SV2B: variants seen among roughly 807,000 people sequenced by gnomAD.
SV2B encodes the protein solute carrier family 22 member B2.
In SV2B, 41 loss-of-function variants were observed where a neutral mutation model predicts 73.9. The observed-to-expected ratio is 0.56, with a 90% CI of 0.43 to 0.72. The LOEUF is 0.72. SV2B is among the 30% of genes least tolerant of loss of function. SV2B has a pLI of 0.00. For synonymous variants in SV2B, 314 were observed against 314.2 expected (o/e 1.00, Z 0.01); for missense variants, 764 against 857.8 (o/e 0.89, Z 1.37).
At chr15:91,154,921 G>A (rs1193310829) in intron 1 of SV2B, among the ~76,000 whole-genome samples, 1 of 152,166 alleles carries the variant, frequency 6.6e-6, no homozygotes, top group Non-Finnish European at 1.5e-5. Context: ...GGAGGTGCCT[G>A]TGAGCAGGAT....
intron 6 of SV2B, among the ~76,000 whole-genome samples, chr15:91,260,919 A>T (rs1355054352): frequency 6.6e-6 from 1 of 152,180 alleles, no homozygotes; most frequent in Non-Finnish European, 1.5e-5. Flanking sequence ...CACCCCCATG[A>T]TTAAAATTAT....
chr15:91,252,611 A>C lies in SV2B; in HGVS notation c.784+91A>C. 1 of 1,346,740 alleles carries C rather than the reference A, an allele frequency of 7.4e-7. No homozygotes were observed. Among genetic ancestry groups the C allele is most frequent in the Non-Finnish European group, 9.7e-7 (1 of 1,034,370 alleles). 83.4% of individuals were successfully genotyped at this position (1,346,740 alleles called of 1,614,324 possible). A position where few individuals can be genotyped will look rare whatever the true frequency, so the allele number is the denominator to read the frequency against. On this transcript the variant is annotated intron_variant, in intron 4 of 12. Transcript: ENST00000394232. The surrounding 1 kb of genome is among the most constrained non-coding windows in gnomAD (Gnocchi z 4.6). Reference sequence around the variant, plus strand: ...TCCTGTCCTCAGCCTTATTCCATGTACTCACGCACAGTTCCCGTACGTGAC... The same window carrying C: ...TCCTGTCCTCAGCCTTATTCCATGTCCTCACGCACAGTTCCCGTACGTGAC...
intron 1 of SV2B, among the ~76,000 whole-genome samples, chr15:91,189,888 T>C (rs905459506): frequency 6.6e-6 from 1 of 152,016 alleles, no homozygotes; most frequent in Non-Finnish European, 1.5e-5. Flanking sequence ...CTCAGGAGGC[T>C]GAGGCAGGAG....
intron 1 of SV2B, among the ~76,000 whole-genome samples, chr15:91,201,777 C>T (rs2045467860): frequency 6.6e-6 from 1 of 152,202 alleles, no homozygotes; most frequent in Non-Finnish European, 1.5e-5. Context: ...CAGCATAGAT[C>T]TGACAGTTTC....
chr15:91,273,374 C>T (rs1262389813), intron 9 of SV2B, among the ~76,000 whole-genome samples: 1 of 152,178 alleles, frequency 6.6e-6, no homozygotes, highest in African/African-American at 2.4e-5. Context: ...GAATGTATAT[C>T]ATATTTCAGA....
rs2048958422 is a variant in SV2B at position 91,289,161 on chromosome 15, G to A, written c.1709-360G>A. On this transcript the variant is annotated intron_variant, in intron 11 of 12. Coordinates refer to ENST00000394232, the MANE Select transcript of SV2B (RefSeq NM_001323032.3). The surrounding 1 kb of genome is among the most constrained non-coding windows in gnomAD (Gnocchi z 4.9). ...CTGAGGTTTTTGTTTTTGTTTTTTG[G>A]CCAATACTGATGTAGCTCAAGCACC... 6.6e-6 allele frequency among the ~76,000 whole-genome samples: 1 copy of A among 151,910 alleles called. No individual in the cohort carries two copies. Among genetic ancestry groups the A allele is most frequent in the Non-Finnish European group, 1.5e-5 (1 of 67,968 alleles).
intron 1 of SV2B, among the ~76,000 whole-genome samples, chr15:91,200,357 C>T (rs1486092022): frequency 1.3e-5 from 2 of 152,204 alleles, no homozygotes; most frequent in Non-Finnish European, 2.9e-5. Context: ...GGCCTTGAAA[C>T]ATGTTCAAAT....
chr15:91,251,729 T>C lies in SV2B; in HGVS notation c.452-90T>C, dbSNP rs555419265. 1.1e-5 allele frequency: 15 copies of C among 1,394,760 alleles called. No homozygotes were observed. The African/African-American group carries it at 1.7e-4, about 16-fold the overall frequency. 86.4% of individuals were successfully genotyped at this position (1,394,760 alleles called of 1,614,324 possible). The stretch of plus-strand genomic sequence containing the variant: ...TATGACACAGAAATTCTAGGATAAA[T>C]AAAAATGAACATTGTATTTTGTAAA... On this transcript the variant is annotated intron_variant, in intron 2 of 12. Coordinates refer to ENST00000394232, the MANE Select transcript of SV2B (RefSeq NM_001323032.3).
At chr15:91,286,766 AACTC>A (rs954847442) in intron 11 of SV2B, among the ~76,000 whole-genome samples, 6 of 152,192 alleles carry the variant, frequency 3.9e-5, no homozygotes, top group Non-Finnish European at 8.8e-5. Flanking sequence ...AAGGTGAAGC[AACTC>A]ACTCACGGTC....
At chr15:91,157,569 T>C (rs1447910237) in intron 1 of SV2B, among the ~76,000 whole-genome samples, 1 of 152,224 alleles carries the variant, frequency 6.6e-6, no homozygotes, top group African/African-American at 2.4e-5. Context: ...AGGCACTGTT[T>C]TAAGCTCTTT....
At chr15:91,150,690 G>A (rs546741691) in intron 1 of SV2B, among the ~76,000 whole-genome samples, 29 of 152,288 alleles carry the variant, frequency 1.9e-4, no homozygotes, top group South Asian at 1.2e-3. Flanking sequence ...GTAAGGAAAC[G>A]AATTCCATCA....
chr15:91,215,392 G>A (rs533857720), intron 1 of SV2B, among the ~76,000 whole-genome samples: 20 of 152,272 alleles, frequency 1.3e-4, no homozygotes, highest in South Asian at 6.2e-4. Context: ...GGAGCCAGGC[G>A]TCTGCATTTA....
In SV2B at chr15:91,123,166, T is replaced by C. The variant is rs1255822905; in HGVS notation, c.-392+22803T>C. ...GTGTGCGCTTGTAGTCTCAGCTACC[T>C]GGGAGGCTGAGGTGGGAGGACCACT... On this transcript the variant is annotated intron_variant, in intron 1 of 12. Coordinates refer to ENST00000394232, the MANE Select transcript of SV2B (RefSeq NM_001323032.3). This position sits in a 1 kb window ranked among gnomAD's most constrained non-coding sequence, Gnocchi z 4.7. Among the ~76,000 whole-genome samples the C allele has an allele frequency of 6.6e-6, 1 of 152,148 alleles. No individual in the cohort carries two copies. Among genetic ancestry groups the C allele is most frequent in the African/African-American group, 2.4e-5 (1 of 41,426 alleles).
chr15:91,134,869 A>G (rs1433949001), intron 1 of SV2B, among the ~76,000 whole-genome samples: 1 of 152,016 alleles, frequency 6.6e-6, no homozygotes, highest in East Asian at 1.9e-4. Context: ...AGTCCCACCT[A>G]TTTTCTCAGC....
chr15:91,271,094 T>C (rs866647451), intron 9 of SV2B, among the ~76,000 whole-genome samples: 156 of 151,680 alleles, frequency 1.0e-3, no homozygotes, highest in Middle Eastern at 3.4e-3. Flanking sequence ...TTGTGGATGG[T>C]GAATCCTGTG....
At chr15:91,203,229 G>A (rs952139856) in intron 1 of SV2B, among the ~76,000 whole-genome samples, 1 of 152,154 alleles carries the variant, frequency 6.6e-6, no homozygotes, top group South Asian at 2.1e-4. Flanking sequence ...CCCAGGTAGG[G>A]GCCTGGCCTG....
At chr15:91,192,904 G>A (rs1337778114) in intron 1 of SV2B, among the ~76,000 whole-genome samples, 1 of 152,208 alleles carries the variant, frequency 6.6e-6, no homozygotes, top group Non-Finnish European at 1.5e-5. Flanking sequence ...TGGCCTGGAT[G>A]GATGCAGTAC....
chr15:91,269,145 G>A (rs868712597), intron 9 of SV2B, among the ~76,000 whole-genome samples: 2 of 151,806 alleles, frequency 1.3e-5, no homozygotes, highest in Non-Finnish European at 2.9e-5. Flanking sequence ...GAAAAGTCCT[G>A]TTCACAGCTT....
rs1055667963 is a variant in SV2B, at chr15:91,239,209, G to A, written c.451+12495G>A. Among the ~76,000 whole-genome samples the A allele has an allele frequency of 6.6e-6, 1 of 152,112 alleles. No homozygotes were observed. The highest frequency in any genetic ancestry group is 1.5e-5 in the Non-Finnish European group (1 of 68,018). ...TGTGGGCTGGCCTGGCTGCTTGAAT[G>A]TGTGGAGTGTACGCTTTCTGTTTCA... is the stretch of plus-strand genomic sequence containing the variant. On this transcript the variant is annotated intron_variant, in intron 2 of 12. Coordinates refer to ENST00000394232, the MANE Select transcript of SV2B (RefSeq NM_001323032.3). This position sits in a 1 kb window ranked among gnomAD's most constrained non-coding sequence, Gnocchi z 5.1.
Sources: gnomAD v4.1 joint callset for allele counts (sites outside exome capture counted in the v4.1 genomes callset) on GRCh38, gnomAD v4.1.1 for gene constraint, Gnocchi (gnomAD v3.1) non-coding constraint, MANE v1.5 for transcripts, NCBI Gene and HGNC (gene_info 2026-07-23, HGNC 2026-07-21) for gene names.